The following IL4R variants were observed in gnomAD, a reference collection of about 807,000 sequenced individuals.
The protein encoded by IL4R is interleukin-4 receptor subunit alpha.
In IL4R, 17 loss-of-function variants were observed where a neutral mutation model predicts 41.5. The observed-to-expected ratio is 0.41, with a 90% CI of 0.28 to 0.61. The LOEUF (loss-of-function observed/expected upper bound fraction) is 0.61, where lower values mean the gene tolerates loss of function less well. Among genes scored for constraint, IL4R ranks in the 20% least tolerant of loss-of-function variants. The pLI is 0.31. For synonymous variants in IL4R, 402 were observed against 422.9 expected (o/e 0.95, Z 0.61); for missense variants, 974 against 1,043.1 (o/e 0.93, Z 0.91).
Position 27,341,370 on chromosome 16 carries a change from A to G in IL4R, c.71-751A>G, listed in dbSNP as rs1253372551. On this transcript the variant is annotated intron_variant, in intron 3 of 10. Coordinates refer to ENST00000395762, the MANE Select transcript of IL4R (RefSeq NM_000418.4). ...AGTTTTGGACATGAGATAAGCTTGG[A>G]ATATTTATTTGCTATCTAAGACAGC... 15 of 595,502 alleles carry G rather than the reference A, an allele frequency of 2.5e-5. No homozygotes were observed. In the East Asian group the frequency reaches 4.2e-4, roughly 17 times the overall value. 36.9% of individuals were successfully genotyped at this position (595,502 alleles called of 1,614,324 possible).
intron 2 of IL4R, among the ~76,000 whole-genome samples, chr16:27,338,815 C>T (rs1439029598): frequency 3.3e-5 from 5 of 151,980 alleles, no homozygotes; most frequent in Non-Finnish European, 5.9e-5. Flanking sequence ...TCTTGGACTT[C>T]CCAGTCTCCA....
At chr16:27,340,072 C>T (rs1397703519) in intron 2 of IL4R, 114 bp from the exon 3 acceptor site, 3 of 697,888 alleles carry the variant, frequency 4.3e-6, no homozygotes, top group African/African-American at 1.8e-5. Flanking sequence ...AACAAACAAA[C>T]AAGCAAACAA....
In IL4R at chr16:27,364,377, G is replaced by C. The variant is rs1329030834; in HGVS notation, c.*547G>C. The stretch of plus-strand genomic sequence containing the variant: ...CCTAGAGGTGCTCATTCATTTAACA[G>C]AGCTTCCTTAGGTTGATGCTGGAGG... On this transcript the variant is annotated 3_prime_UTR_variant, in exon 11 of 11. Coordinates refer to ENST00000395762, the MANE Select transcript of IL4R (RefSeq NM_000418.4). The C allele has an allele frequency of 6.5e-6, 1 of 154,368 alleles. No individual in the cohort carries two copies. Among genetic ancestry groups the C allele is most frequent in the African/African-American group, 2.4e-5 (1 of 41,482 alleles). 9.6% of individuals were successfully genotyped at this position (154,368 alleles called of 1,614,324 possible).
rs1294617422 is a variant in IL4R at position 27,345,139 on chromosome 16, T to C, written c.361+119T>C. 2.7e-6 allele frequency: 3 copies of C among 1,120,520 alleles called. No individual in the cohort carries two copies. The highest frequency in any genetic ancestry group is 2.6e-5 in the South Asian group (2 of 75,628). 69.4% of individuals were successfully genotyped at this position (1,120,520 alleles called of 1,614,324 possible). A position where few individuals can be genotyped will look rare whatever the true frequency, so the allele number is the denominator to read the frequency against. On this transcript the variant is annotated intron_variant, in intron 5 of 10. Coordinates refer to ENST00000395762, the MANE Select transcript of IL4R (RefSeq NM_000418.4). The surrounding 1 kb of genome is among the most constrained non-coding windows in gnomAD (Gnocchi z 4.5). ...AGCAACAGCAGGAGGAAGCCGCCTG[T>C]ATTTTCCCAAATCTGATGGGATTCC...
At chr16:27,323,188 C>T (rs1006119264) in intron 1 of IL4R, among the ~76,000 whole-genome samples, 2 of 152,194 alleles carry the variant, frequency 1.3e-5, no homozygotes, top group African/African-American at 4.8e-5. Context: ...TTTGGGTTTG[C>T]CCAGGGGGCA....
At chr16:27,362,134 A>C in intron 10 of IL4R, 118 bp from the exon 11 acceptor site, 1 of 917,930 alleles carries the variant, frequency 1.1e-6, no homozygotes. Flanking sequence ...ATAACGTTAG[A>C]AGGCATGTCT....
chr16:27,319,899 C>T (rs1411099864), intron 1 of IL4R, among the ~76,000 whole-genome samples: 4 of 152,048 alleles, frequency 2.6e-5, no homozygotes, highest in African/African-American at 9.6e-5. Flanking sequence ...GACGGAGTTT[C>T]GCTCTTGTCG....
intron 7 of IL4R, 167 bp from the exon 8 acceptor site, chr16:27,355,641 A>C (rs982655728): frequency 3.5e-6 from 2 of 570,704 alleles, no homozygotes; most frequent in Non-Finnish European, 6.3e-6. Context: ...CGAGGACTCA[A>C]TGTGCAAGAG....
At chr16:27,342,021 C>T in intron 3 of IL4R, 100 bp from the exon 4 acceptor site, 1 of 1,359,974 alleles carries the variant, frequency 7.4e-7, no homozygotes, top group Non-Finnish European at 1.0e-6. Context: ...ACTTTGCCTG[C>T]ACTGTGCTTT....
Position 27,362,451 on chromosome 16 carries a change from G to A in IL4R, c.1099G>A (p.Ala367Thr). ...GGTGCGATGTGTGGAGTTGTTTGAG[G>A]CCCCGGTGGAGTGTGAGGAGGAGGA... ...SVVRCVELFE[A>T]PVECEEEEEV... Residue 367 changes from alanine (A) to threonine (T), a missense_variant, in exon 11 of 11, where the codon GCC becomes ACC. Coordinates refer to ENST00000395762, the MANE Select transcript of IL4R (RefSeq NM_000418.4). 3 of 1,614,168 alleles carry A rather than the reference G, an allele frequency of 1.9e-6. No homozygotes were observed. The highest frequency in any genetic ancestry group is 2.5e-6 in the Non-Finnish European group (3 of 1,180,028).
intron 3 of IL4R, among the ~76,000 whole-genome samples, chr16:27,340,483 G>C (rs1401409526): frequency 6.6e-6 from 1 of 152,218 alleles, no homozygotes; most frequent in African/African-American, 2.4e-5. Context: ...AGCACTTCAG[G>C]AGGCCGAGGC....
intron 6 of IL4R, among the ~76,000 whole-genome samples, chr16:27,347,074 A>T (rs1235006313): frequency 6.6e-6 from 1 of 152,252 alleles, no homozygotes; most frequent in Non-Finnish European, 1.5e-5. Context: ...CTCTTAATGA[A>T]GAGAGCAGAG....
chr16:27,351,629 C>T (rs1306465873), intron 6 of IL4R, among the ~76,000 whole-genome samples: 1 of 151,798 alleles, frequency 6.6e-6, no homozygotes, highest in African/African-American at 2.4e-5. Context: ...ATTCTTCTGC[C>T]TCAGCCTCCT....
At chr16:27,352,338 T>G (rs1406984553) in intron 6 of IL4R, among the ~76,000 whole-genome samples, 2 of 152,162 alleles carry the variant, frequency 1.3e-5, no homozygotes, top group Admixed American at 1.3e-4. Flanking sequence ...TACAGCTAAT[T>G]AGTCGAGGAG....
At chr16:27,360,990 C>T in intron 10 of IL4R, 175 bp downstream of exon 10, 5 of 1,482,006 alleles carry the variant, frequency 3.4e-6, no homozygotes, top group Non-Finnish European at 4.5e-6. Flanking sequence ...GGACTGCTGG[C>T]CAAGCCCCCT....
At chr16:27,314,951 G>A (rs1172228486) in intron 1 of IL4R, among the ~76,000 whole-genome samples, 1 of 152,206 alleles carries the variant, frequency 6.6e-6, no homozygotes, top group Non-Finnish European at 1.5e-5. Context: ...TGGGATGACA[G>A]GTGTGAGCCA....
intron 2 of IL4R, among the ~76,000 whole-genome samples, chr16:27,332,385 A>T (rs1168890186): frequency 1.3e-5 from 2 of 151,906 alleles, no homozygotes; most frequent in Non-Finnish European, 2.9e-5. Flanking sequence ...TCTCAGGAGA[A>T]CTCACTCACT....
At chr16:27,360,721 CT>C in intron 9 of IL4R, 44 bp from the exon 10 acceptor site, 1 of 1,613,620 alleles carries the variant, frequency 6.2e-7, no homozygotes, top group Non-Finnish European at 8.5e-7. Flanking sequence ...CCAGGCCGGG[CT>C]GCAAGGCCAC....
intron 6 of IL4R, among the ~76,000 whole-genome samples, chr16:27,348,025 G>A (rs1183954032): frequency 2.0e-5 from 3 of 152,216 alleles, no homozygotes; most frequent in Admixed American, 6.5e-5. Flanking sequence ...TGTGAGGGCC[G>A]GCTCTGTGCA....
Sources: gnomAD v4.1 joint callset for allele counts (sites outside exome capture counted in the v4.1 genomes callset) on GRCh38, gnomAD v4.1.1 for gene constraint, Gnocchi (gnomAD v3.1) non-coding constraint, MANE v1.5 for transcripts, NCBI Gene and HGNC (gene_info 2026-07-23, HGNC 2026-07-21) for gene names.